Variants in NRG1 observed in about 807,000 individuals in gnomAD.
The protein encoded by NRG1 is neuregulin 1.
A neutral mutation model predicts 63.8 loss-of-function variants in NRG1; 18 were observed. That is an observed-to-expected ratio of 0.28 (90% CI 0.19 to 0.42). NRG1 has a LOEUF of 0.42. NRG1 is among the 10% of genes least tolerant of loss of function. The pLI is 1.00. For missense variants in NRG1, 762 were observed against 814.7 expected (o/e 0.94, Z 0.79); for synonymous variants, 302 against 301.3 (o/e 1.00, Z -0.02).
intron 1 of NRG1, among the ~76,000 whole-genome samples, chr8:31,683,676 T>C (rs973166061): frequency 6.6e-6 from 1 of 152,146 alleles, no homozygotes; most frequent in Admixed American, 6.6e-5. Context: ...GAGTGAATCC[T>C]AATATGAGCT....
chr8:32,348,643 C>T (rs555657627), intron 1 of NRG1, among the ~76,000 whole-genome samples: 4 of 152,274 alleles, frequency 2.6e-5, no homozygotes, highest in South Asian at 2.1e-4. Flanking sequence ...TCTAACTACA[C>T]TATCAGTATG....
At chr8:32,144,386 GGT>G (rs58220737) in intron 1 of NRG1, among the ~76,000 whole-genome samples, 43 of 150,854 alleles carry the variant, frequency 2.9e-4, no homozygotes, top group African/African-American at 8.2e-4. Context: ...TGTTTATGGA[GGT>G]GTGTGTGTGT....
chr8:32,667,400 G>A (rs183537445), intron 5 of NRG1, among the ~76,000 whole-genome samples: 37 of 152,122 alleles, frequency 2.4e-4, no homozygotes, highest in African/African-American at 7.2e-4. Context: ...CCTCTTAACC[G>A]GTTAATAATA....
chr8:32,062,204 TG>T (rs141079171), intron 1 of NRG1, among the ~76,000 whole-genome samples: 1,556 of 152,204 alleles, frequency 0.01, 13 homozygotes, highest in Middle Eastern at 0.017. Flanking sequence ...AGAATTTGCT[TG>T]GAACGAAGTG....
chr8:32,415,900 C>T (rs1256197094), intron 1 of NRG1, among the ~76,000 whole-genome samples: 1 of 152,194 alleles, frequency 6.6e-6, no homozygotes, highest in Non-Finnish European at 1.5e-5. Context: ...ACAAACCTTA[C>T]TGCTTAGTTT....
chr8:32,730,470 T>TA (rs1373004162), intron 6 of NRG1, among the ~76,000 whole-genome samples: 2 of 151,760 alleles, frequency 1.3e-5, no homozygotes, highest in African/African-American at 4.8e-5. Context: ...ATAAATAGAA[T>TA]AAAAAATTAA....
chr8:31,932,149 A>T (rs1834921727), intron 1 of NRG1, among the ~76,000 whole-genome samples: 1 of 148,848 alleles, frequency 6.7e-6, no homozygotes, highest in South Asian at 2.1e-4. Flanking sequence ...CTAATTTTTC[A>T]TCTGCTCATT....
chr8:32,761,364 C>A (rs1245152780), intron 11 of NRG1, among the ~76,000 whole-genome samples: 1 of 152,084 alleles, frequency 6.6e-6, no homozygotes, highest in Non-Finnish European at 1.5e-5. Flanking sequence ...GTGGTAGTTA[C>A]ATGGGAGGAG....
intron 7 of NRG1, among the ~76,000 whole-genome samples, chr8:32,753,516 C>G (rs1407463587): frequency 4.3e-4 from 66 of 152,224 alleles, no homozygotes; most frequent in Admixed American, 4.3e-3. Flanking sequence ...AATGTGCACT[C>G]TATTCCAAAT....
intron 1 of NRG1, among the ~76,000 whole-genome samples, chr8:31,705,126 C>T (rs944431217): frequency 5.3e-5 from 8 of 151,938 alleles, no homozygotes; most frequent in Non-Finnish European, 1.0e-4. Flanking sequence ...ACCTCTGCCC[C>T]GCCGGGTTCA....
At chr8:31,913,522 A>G (rs118115918) in intron 1 of NRG1, among the ~76,000 whole-genome samples, 173 of 152,320 alleles carry the variant, frequency 1.1e-3, no homozygotes, top group African/African-American at 1.3e-3. Flanking sequence ...ACATTTTTAC[A>G]TATCTAGTGA....
intron 1 of NRG1, among the ~76,000 whole-genome samples, chr8:31,702,608 A>T (rs1302747655): frequency 6.6e-6 from 1 of 152,098 alleles, no homozygotes; most frequent in Non-Finnish European, 1.5e-5. Flanking sequence ...TAATGGCTAC[A>T]AGCATGCTTA....
At chr8:31,919,932 T>A (rs1215941422) in intron 1 of NRG1, among the ~76,000 whole-genome samples, 3 of 152,164 alleles carry the variant, frequency 2.0e-5, no homozygotes, top group African/African-American at 7.2e-5. Context: ...TGGATATGTA[T>A]TTTATATAAG....
At chr8:32,709,861 A>G (rs1000134844) in intron 5 of NRG1, among the ~76,000 whole-genome samples, 1 of 152,218 alleles carries the variant, frequency 6.6e-6, no homozygotes, top group African/African-American at 2.4e-5. Context: ...AATACTGAAG[A>G]GACTGATGAA....
intron 5 of NRG1, chr8:32,722,162 T>G: frequency 1.2e-6 from 1 of 832,012 alleles, no homozygotes; most frequent in East Asian, 2.7e-5. Context: ...TTTCTGTAAG[T>G]AACTCGTAAA....
chr8:32,641,152 C>CAT (rs35696837), intron 5 of NRG1, among the ~76,000 whole-genome samples: 46,758 of 147,448 alleles, frequency 0.32, 7,787 homozygotes, highest in Non-Finnish European at 0.37. Flanking sequence ...TAAATATATA[C>CAT]ATATATATAT....
chr8:31,802,190 C>A (rs1022339131), intron 1 of NRG1, among the ~76,000 whole-genome samples: 2 of 152,158 alleles, frequency 1.3e-5, no homozygotes, highest in African/African-American at 4.8e-5. Context: ...ACCCAGTGTT[C>A]TTTTCGGAAA....
In NRG1 at chr8:31,830,859, T is replaced by C. The variant is rs559342004; in HGVS notation, c.37+191428T>C. ...CTGAACTGATCCCTGTGGATAGTGA[T>C]GGGATTTTGCTGATAAGTCTCAGTC... On this transcript the variant is annotated intron_variant, in intron 1 of 10. Transcript: ENST00000519301. Among the ~76,000 whole-genome samples, 107 of 152,278 alleles carry C rather than the reference T, an allele frequency of 7.0e-4. 1 individual carries two copies. The highest frequency in any genetic ancestry group is 2.4e-3 in the African/African-American group (100 of 41,554).
intron 1 of NRG1, among the ~76,000 whole-genome samples, chr8:31,642,070 T>C (rs534249357): frequency 6.6e-6 from 1 of 152,286 alleles, no homozygotes; most frequent in South Asian, 2.1e-4. Flanking sequence ...GGACAGAAGC[T>C]GTTCAGAGAG....
Sources: allele counts gnomAD v4.1 joint callset (sites outside exome capture counted in the v4.1 genomes callset), GRCh38; gene constraint gnomAD v4.1.1; transcripts MANE v1.5; gene names NCBI Gene and HGNC (gene_info 2026-07-23, HGNC 2026-07-21).